The following TFAM variants were observed in gnomAD, a reference collection of about 807,000 sequenced individuals.
The protein encoded by TFAM is mitochondrial transcription factor 1.
In TFAM, 13 loss-of-function variants were observed where a neutral mutation model predicts 30.6. The observed-to-expected ratio is 0.42, with a 90% confidence interval of 0.28 to 0.67. The LOEUF (loss-of-function observed/expected upper bound fraction) is 0.67, where lower values mean the gene tolerates loss of function less well. Among genes scored for constraint, TFAM ranks in the 30% least tolerant of loss-of-function variants. TFAM has a pLI of 0.21. For missense variants in TFAM, 231 were observed against 293.7 expected, an observed-to-expected ratio of 0.79 and a Z score of 1.56; for synonymous variants, 106 against 94.8, an observed-to-expected ratio of 1.12 and a Z score of -0.69.
intron 5 of TFAM, 27 bp downstream of exon 5, chr10:58,390,887 A>G (rs376034744): frequency 1.0e-4 from 163 of 1,586,264 alleles, no homozygotes; most frequent in Non-Finnish European, 1.3e-4. Flanking sequence ...TTTTTGTTTA[A>G]TTTTTAAAAT....
chr10:58,392,989 A>AT (rs1258312200), intron 5 of TFAM, among the ~76,000 whole-genome samples: 3 of 147,152 alleles, frequency 2.0e-5, no homozygotes, highest in Admixed American at 6.8e-5. Flanking sequence ...ACCTCTCTTT[A>AT]TTTTTTTTGA....
chr10:58,392,682 CT>C (rs1840618656), intron 5 of TFAM, among the ~76,000 whole-genome samples: 1 of 150,680 alleles, frequency 6.6e-6, no homozygotes, highest in Admixed American at 6.6e-5. Flanking sequence ...GAAATTTAAC[CT>C]CTTTTTTTTT....
chr10:58,390,341 G>T (rs1840568388), intron 4 of TFAM, among the ~76,000 whole-genome samples: 1 of 152,182 alleles, frequency 6.6e-6, no homozygotes, highest in Admixed American at 6.5e-5. Context: ...AGACATTCAG[G>T]GAATGGAGTG....
At chr10:58,388,484 T>C (rs1840532557) in intron 3 of TFAM, among the ~76,000 whole-genome samples, 186 bp from the exon 4 acceptor site, 1 of 152,232 alleles carries the variant, frequency 6.6e-6, no homozygotes, top group South Asian at 2.1e-4. Flanking sequence ...TACTAAACTC[T>C]CACCTTGATT....
At chr10:58,391,623 C>T (rs1341633144) in intron 5 of TFAM, among the ~76,000 whole-genome samples, 1 of 151,946 alleles carries the variant, frequency 6.6e-6, no homozygotes, top group Non-Finnish European at 1.5e-5. Flanking sequence ...GCATTACCTA[C>T]CACCGTTTAA....
chr10:58,386,147 C>T lies in TFAM; in HGVS notation c.102-73C>T, dbSNP rs956598763. On this transcript the variant is annotated intron_variant, in intron 1 of 6. Transcript: ENST00000487519. ...CTTGATGACATTTCTTATTTGGGAT[C>T]TGTGTTCATATACATGTGAATATTG... 1.3e-5 allele frequency: 13 copies of T among 967,862 alleles called. No homozygotes were observed. The Admixed American group carries it at 1.7e-4, about 13-fold the overall frequency. The allele number at this position is 967,862 out of a possible 1,614,324, so 60.0% of individuals were successfully genotyped here.
chr10:58,390,731 CA>C (rs1247000605), intron 4 of TFAM, 33 bp from the exon 5 acceptor site: 1 of 1,515,282 alleles, frequency 6.6e-7, no homozygotes, highest in South Asian at 1.1e-5. Flanking sequence ...TGGAGGTTAA[CA>C]CTATTTTTGA....
chr10:58,390,729 A>T, intron 4 of TFAM, 36 bp from the exon 5 acceptor site: 1 of 1,497,720 alleles, frequency 6.7e-7, no homozygotes. Context: ...CATGGAGGTT[A>T]ACACTATTTT....
At chr10:58,386,125 G>A (rs1011512248) in intron 1 of TFAM, 95 bp from the exon 2 acceptor site, 1 of 879,552 alleles carries the variant, frequency 1.1e-6, no homozygotes, top group Middle Eastern at 3.2e-4. Flanking sequence ...ATAGTATCTT[G>A]ATGACATTTC....
rs1937 is a variant in TFAM at position 58,385,582 on chromosome 10, G to C, written c.35G>C (p.Ser12Thr). The C allele has an allele frequency of 0.1, 159,784 of 1,570,732 alleles. 8,794 individuals are homozygous for C. The highest frequency in any genetic ancestry group is 0.18 in the East Asian group (7,502 of 42,164). ...CTCCGAAGCATGTGGGGCGTGCTGA[G>C]TGCCCTGGGAAGGTCTGGAGCAGAG... is the stretch of plus-strand genomic sequence containing the variant. ...AFLRSMWGVLSALGRSGAELC... is the reference protein window; with the variant it reads ...AFLRSMWGVLTALGRSGAELC... Residue 12 changes from serine (S) to threonine (T), a missense_variant, in exon 1 of 7, where the codon AGT becomes ACT. By Grantham distance (58) the Ser-to-Thr change is moderately conservative (BLOSUM62 1). Transcript: ENST00000487519.
At position 58,395,667 on chromosome 10, in the gene TFAM, A is replaced by G; in HGVS notation, c.*593A>G. 2 of 289,284 alleles carry G rather than the reference A, an allele frequency of 6.9e-6. No individual in the cohort carries two copies. Among genetic ancestry groups the G allele is most frequent in the Non-Finnish European group, 6.3e-6 (1 of 158,282 alleles). 17.9% of individuals were successfully genotyped at this position (289,284 alleles called of 1,614,324 possible). A position where few individuals can be genotyped will look rare whatever the true frequency, so the allele number is the denominator to read the frequency against. On this transcript the variant is annotated 3_prime_UTR_variant, in exon 7 of 7. Transcript: ENST00000487519. ...CTTACTGTCTTTTTTCTAAAGTAAA[A>G]ACAAAGAAATTATGTGCCAGATTTA...
intron 6 of TFAM, 76 bp downstream of exon 6, chr10:58,394,490 T>A: frequency 8.2e-7 from 1 of 1,219,976 alleles, no homozygotes; most frequent in East Asian, 2.3e-5. Flanking sequence ...AAGGCTTGAT[T>A]CATGTGAAGA....
At chr10:58,390,087 T>C (rs908119269) in intron 4 of TFAM, among the ~76,000 whole-genome samples, 1 of 152,198 alleles carries the variant, frequency 6.6e-6, no homozygotes, top group Non-Finnish European at 1.5e-5. Flanking sequence ...TACTTACAGT[T>C]ATGAATAAAA....
intron 5 of TFAM, among the ~76,000 whole-genome samples, chr10:58,393,915 A>G (rs1840638249): frequency 6.6e-6 from 1 of 151,390 alleles, no homozygotes; most frequent in East Asian, 1.9e-4. Flanking sequence ...AAAAAATTCT[A>G]TCCCTTTAAT....
chr10:58,395,201 A>T lies in TFAM; in HGVS notation c.*127A>T, dbSNP rs1564569700. 1.0e-6 allele frequency: 1 copy of T among 974,988 alleles called. No homozygotes were observed. The highest frequency in any genetic ancestry group is 2.6e-5 in the East Asian group (1 of 37,830). 60.4% of individuals were successfully genotyped at this position (974,988 alleles called of 1,614,324 possible). A position where few individuals can be genotyped will look rare whatever the true frequency, so the allele number is the denominator to read the frequency against. ...AACCTTTTATATTTAGTATCTTTTT[A>T]TTCAGCTCATGGACTTCTGCCAGCA... On this transcript the variant is annotated 3_prime_UTR_variant, in exon 7 of 7. Coordinates refer to ENST00000487519, the MANE Select transcript of TFAM (RefSeq NM_003201.3).
In TFAM at chr10:58,395,708, G is replaced by C. The variant is rs1840670232; in HGVS notation, c.*634G>C. ...GCCAGATTTATGCATATTATTTTAT[G>C]TTGCATAGAATAAAATTTTTAATCT... On this transcript the variant is annotated 3_prime_UTR_variant, in exon 7 of 7. Coordinates refer to ENST00000487519, the MANE Select transcript of TFAM (RefSeq NM_003201.3). 1 of 298,056 alleles carries C rather than the reference G, an allele frequency of 3.4e-6. No individual in the cohort carries two copies. 18.5% of individuals were successfully genotyped at this position (298,056 alleles called of 1,614,324 possible).
chr10:58,390,896 A>G (rs924315378), intron 5 of TFAM, 36 bp downstream of exon 5: 3 of 1,562,548 alleles, frequency 1.9e-6, no homozygotes, highest in Admixed American at 3.4e-5. Context: ...AATTTTTAAA[A>G]TATTTAGACA....
chr10:58,390,710 A>G, intron 4 of TFAM, 55 bp from the exon 5 acceptor site: 1 of 1,339,902 alleles, frequency 7.5e-7, no homozygotes, highest in Admixed American at 1.7e-5. Flanking sequence ...TGTAGGTAAA[A>G]TTAAGTCTCA....
rs1040861305 is a variant in TFAM, at chr10:58,387,068, A to C, written c.220+730A>C. Among the ~76,000 whole-genome samples the C allele has an allele frequency of 3.9e-5, 6 of 152,198 alleles. No individual in the cohort carries two copies. The South Asian group carries it at 1.0e-3, about 26-fold the overall frequency. Reference sequence around the variant, plus strand: ...TGCTTGAGCCCAGGAGTTCGAGAACAGCCTGGGAAACATGGAAATCCTGTC... The same window carrying C: ...TGCTTGAGCCCAGGAGTTCGAGAACCGCCTGGGAAACATGGAAATCCTGTC... On this transcript the variant is annotated intron_variant, in intron 2 of 6. Transcript: ENST00000487519.
Sources: allele counts gnomAD v4.1 joint callset (sites outside exome capture counted in the v4.1 genomes callset), GRCh38; gene constraint gnomAD v4.1.1; transcripts MANE v1.5; gene names NCBI Gene and HGNC (gene_info 2026-07-23, HGNC 2026-07-21).